The following ALPK1 variants were observed in gnomAD, a reference collection of about 807,000 sequenced individuals.
The protein encoded by ALPK1 is alpha kinase 1, also known as alpha-protein kinase 1.
ALPK1 carries 110 observed loss-of-function variants against 120.6 expected under a neutral mutation model. The observed-to-expected ratio is 0.91, with a 90% CI of 0.78 to 1.07. ALPK1 has a LOEUF of 1.07. ALPK1 is among the 50% of genes least tolerant of loss of function. The pLI, the probability that ALPK1 is intolerant of heterozygous loss-of-function variation, is 0.00. For synonymous variants in ALPK1, 582 were observed against 560.3 expected (o/e 1.04, Z -0.55); for missense variants, 1,498 against 1,483.9 (o/e 1.01, Z -0.16).
chr4:112,329,137 A>G (rs184691915), intron 2 of ALPK1, among the ~76,000 whole-genome samples: 236 of 152,372 alleles, frequency 1.5e-3, no homozygotes, highest in African/African-American at 5.3e-3. Context: ...AATGAATGAA[A>G]GAATAAATAT....
chr4:112,314,876 C>CTTTTTTTTTTTT (rs763492984), intron 1 of ALPK1, among the ~76,000 whole-genome samples: 6 of 99,624 alleles, frequency 6.0e-5, no homozygotes, highest in Non-Finnish European at 7.7e-5. Flanking sequence ...AATCCATTGC[C>CTTTTTTTTTTTT]TTTTTTTTTT....
At chr4:112,427,858 CT>C (rs893067023) in intron 9 of ALPK1, 193 bp downstream of exon 9, 2 of 513,390 alleles carry the variant, frequency 3.9e-6, no homozygotes, top group African/African-American at 3.8e-5. Context: ...GCGCCTAGCA[CT>C]GTAACAGACA....
At chr4:112,435,452 A>C (rs1734749548) in intron 12 of ALPK1, 151 bp downstream of exon 12, 1 of 708,946 alleles carries the variant, frequency 1.4e-6, no homozygotes, top group African/African-American at 1.8e-5. Context: ...ATTATTAATT[A>C]ATTAACAACA....
intron 4 of ALPK1, among the ~76,000 whole-genome samples, chr4:112,406,377 T>G (rs770375308): frequency 6.6e-6 from 1 of 152,214 alleles, no homozygotes; most frequent in Admixed American, 6.5e-5. Flanking sequence ...GTAAAAAGAC[T>G]AATGCTGTAT....
At chr4:112,382,377 C>T in intron 3 of ALPK1, 21 bp from the exon 4 acceptor site, 1 of 1,569,706 alleles carries the variant, frequency 6.4e-7, no homozygotes, top group South Asian at 1.1e-5. Context: ...AATTTCCTTA[C>T]CTGAACTCTG....
intron 4 of ALPK1, chr4:112,411,623 T>C (rs1280572115): frequency 1.0e-5 from 6 of 597,630 alleles, no homozygotes; most frequent in African/African-American, 7.4e-5. Context: ...ATGGGGGAAA[T>C]TGAATGAAGG....
chr4:112,310,684 T>C (rs1728361702), intron 1 of ALPK1, among the ~76,000 whole-genome samples: 2 of 152,230 alleles, frequency 1.3e-5, no homozygotes, highest in African/African-American at 4.8e-5. Context: ...TTTTTGGCCA[T>C]GACCAAGTTA....
At chr4:112,379,372 A>T (rs903741255) in intron 3 of ALPK1, among the ~76,000 whole-genome samples, 3 of 152,222 alleles carry the variant, frequency 2.0e-5, no homozygotes, top group African/African-American at 7.2e-5. Flanking sequence ...AGAGGAGGTT[A>T]CTGCTGGGTC....
At chr4:112,393,787 T>C (rs1732530763) in intron 4 of ALPK1, among the ~76,000 whole-genome samples, 1 of 152,166 alleles carries the variant, frequency 6.6e-6, no homozygotes. Context: ...CCAAGTAAAG[T>C]AAGAATTTAA....
intron 2 of ALPK1, among the ~76,000 whole-genome samples, chr4:112,324,282 A>G (rs192520485): frequency 0.053 from 7,956 of 150,278 alleles, 235 homozygotes; most frequent in South Asian, 0.083. Flanking sequence ...AGCCGAGATC[A>G]TGCCACTGCA....
chr4:112,388,212 A>T (rs1199195876), intron 4 of ALPK1, among the ~76,000 whole-genome samples: 2 of 152,084 alleles, frequency 1.3e-5, no homozygotes, highest in Non-Finnish European at 2.9e-5. Flanking sequence ...TATACTACTT[A>T]AGATGTTAGA....
chr4:112,300,541 C>T (rs952367637), intron 1 of ALPK1, among the ~76,000 whole-genome samples: 6 of 151,850 alleles, frequency 4.0e-5, no homozygotes, highest in South Asian at 4.1e-4. Context: ...GAAGAGAGGA[C>T]GGAGTCTCAG....
intron 2 of ALPK1, among the ~76,000 whole-genome samples, chr4:112,350,051 C>A (rs1730284276): frequency 6.6e-6 from 1 of 152,152 alleles, no homozygotes. Flanking sequence ...TAGGAAGCCT[C>A]ACTGCAAAGT....
chr4:112,375,661 A>AT (rs1472800900), intron 2 of ALPK1, among the ~76,000 whole-genome samples: 1 of 151,472 alleles, frequency 6.6e-6, no homozygotes, highest in Non-Finnish European at 1.5e-5. Flanking sequence ...ATCCATTAAA[A>AT]TTTTCTCCAT....
intron 4 of ALPK1, among the ~76,000 whole-genome samples, chr4:112,394,486 G>A (rs1266819752): frequency 2.6e-5 from 4 of 152,216 alleles, no homozygotes; most frequent in Non-Finnish European, 4.4e-5. Context: ...GTTGCCAAGA[G>A]AATGGAGCTT....
chr4:112,301,404 C>T (rs576798572), intron 1 of ALPK1, among the ~76,000 whole-genome samples: 18 of 152,228 alleles, frequency 1.2e-4, no homozygotes, highest in South Asian at 4.1e-4. Flanking sequence ...CTTCTGAAGG[C>T]GCAGCTTGCC....
chr4:112,381,993 T>C (rs982324253), intron 3 of ALPK1, among the ~76,000 whole-genome samples: 2 of 152,190 alleles, frequency 1.3e-5, no homozygotes, highest in African/African-American at 2.4e-5. Context: ...TTGTACAAAT[T>C]AACACTGCAT....
At chr4:112,379,546 C>T (rs1371189990) in intron 3 of ALPK1, among the ~76,000 whole-genome samples, 1 of 152,264 alleles carries the variant, frequency 6.6e-6, no homozygotes, top group Non-Finnish European at 1.5e-5. Flanking sequence ...CACCGGATCC[C>T]TTCCCTCGGC....
At position 112,297,397 on chromosome 4, in the gene ALPK1, G is replaced by A. The variant is rs899268145; in HGVS notation, c.-225G>A. ...TATGAGAAACAGTGTGTTTCAGAGAGGCTGTACCAGAATTAACTCTGCTCA... is the reference window on the plus strand; with the variant it reads ...TATGAGAAACAGTGTGTTTCAGAGAAGCTGTACCAGAATTAACTCTGCTCA... On this transcript the variant is annotated 5_prime_UTR_variant, in exon 1 of 16. Coordinates refer to ENST00000650871, the MANE Select transcript of ALPK1 (RefSeq NM_025144.4). 1.3e-5 allele frequency: 2 copies of A among 151,926 alleles called. No individual in the cohort carries two copies. Among genetic ancestry groups the A allele is most frequent in the South Asian group, 2.1e-4 (1 of 4,816 alleles). The allele number at this position is 151,926 out of a possible 1,614,324, so 9.4% of individuals were successfully genotyped here.
Sources: gnomAD v4.1 joint callset for allele counts (sites outside exome capture counted in the v4.1 genomes callset) on GRCh38, gnomAD v4.1.1 for gene constraint, MANE v1.5 for transcripts, NCBI Gene and HGNC (gene_info 2026-07-23, HGNC 2026-07-21) for gene names.